The following KCNQ2 variants were observed in gnomAD, a reference collection of about 807,000 sequenced individuals.
The protein encoded by KCNQ2 is potassium voltage-gated channel subfamily KQT member 2.
KCNQ2 carries 14 observed loss-of-function variants against 84.8 expected under a neutral mutation model. That is an observed-to-expected ratio of 0.17 (90% CI 0.11 to 0.26). The LOEUF (loss-of-function observed/expected upper bound fraction) is 0.26, where lower values mean the gene tolerates loss of function less well. Ranked by LOEUF, KCNQ2 falls within the 10% of genes least tolerant of loss-of-function variation. The pLI, the probability that KCNQ2 is intolerant of heterozygous loss-of-function variation, is 1.00. For missense variants in KCNQ2, 788 were observed against 1,254.0 expected (o/e 0.63, Z 5.61); for synonymous variants, 599 against 554.1 (o/e 1.08, Z -1.14).
At chr20:63,449,947 G>A (rs2145808030) in intron 1 of KCNQ2, among the ~76,000 whole-genome samples, 1 of 152,056 alleles carries the variant, frequency 6.6e-6, no homozygotes, top group Admixed American at 6.5e-5. Context: ...ACAGCACTCA[G>A]AGCAGACCCC....
Position 63,414,844 on chromosome 20 carries a change from G to T in KCNQ2, c.1525+59C>A. On this transcript the variant is annotated intron_variant, in intron 13 of 16. Transcript: ENST00000359125. This position sits in a 1 kb window ranked among gnomAD's most constrained non-coding sequence, Gnocchi z 6.6. ...GACGCCACAGGGTGGCCACAGTAGCGTGGCCACCACATCCATCCCCGGAGA... is the reference window on the plus strand; with the variant it reads ...GACGCCACAGGGTGGCCACAGTAGCTTGGCCACCACATCCATCCCCGGAGA... The T allele has an allele frequency of 6.5e-7, 1 of 1,549,762 alleles. No homozygotes were observed. Among genetic ancestry groups the T allele is most frequent in the South Asian group, 1.1e-5 (1 of 89,840 alleles).
At chr20:63,469,445 C>A (rs188832275) in intron 1 of KCNQ2, among the ~76,000 whole-genome samples, 1 of 152,364 alleles carries the variant, frequency 6.6e-6, no homozygotes, top group East Asian at 1.9e-4. Flanking sequence ...CAGTGCTGGA[C>A]GTCCCCACCT....
At chr20:63,470,417 C>A (rs2082187872) in intron 1 of KCNQ2, among the ~76,000 whole-genome samples, 1 of 152,196 alleles carries the variant, frequency 6.6e-6, no homozygotes, top group Non-Finnish European at 1.5e-5. Flanking sequence ...ACGGCTCAGA[C>A]CCCACATGTG....
chr20:63,429,400 C>A (rs2080727919), intron 9 of KCNQ2, among the ~76,000 whole-genome samples: 1 of 152,140 alleles, frequency 6.6e-6, no homozygotes, highest in African/African-American at 2.4e-5. Flanking sequence ...CCACTGGGGC[C>A]ACGTCCTGGT....
In KCNQ2 at chr20:63,446,728, G is replaced by A. The variant is rs879184394; in HGVS notation, c.387+19C>T. ...TCCTTCCTGGGCACTTCCAGCCCCC[G>A]CCCTCCCTCGGGGCTCACCAGGATG... On this transcript the variant is annotated intron_variant, in intron 2 of 16. Coordinates refer to ENST00000359125, the MANE Select transcript of KCNQ2 (RefSeq NM_172107.4). The surrounding 1 kb of genome is among the most constrained non-coding windows in gnomAD (Gnocchi z 5.5). 5 of 1,603,678 alleles carry A rather than the reference G, an allele frequency of 3.1e-6. No homozygotes were observed. Among genetic ancestry groups the A allele is most frequent in the Middle Eastern group, 1.7e-4 (1 of 6,060 alleles).
chr20:63,431,279 G>T (rs1308628524), intron 9 of KCNQ2, 61 bp downstream of exon 9: 3 of 1,599,354 alleles, frequency 1.9e-6, no homozygotes, highest in East Asian at 2.2e-5. Flanking sequence ...CCCGGTCACA[G>T]TTCCAGACAC....
chr20:63,442,761 C>CCAT (rs2081224297), intron 4 of KCNQ2, among the ~76,000 whole-genome samples: 2 of 77,902 alleles, frequency 2.6e-5, no homozygotes, highest in East Asian at 5.2e-4. Flanking sequence ...ATCACCATCA[C>CCAT]CACCATCACC....
chr20:63,440,660 C>T (rs1239739723), intron 5 of KCNQ2, among the ~76,000 whole-genome samples: 1 of 152,200 alleles, frequency 6.6e-6, no homozygotes, highest in Non-Finnish European at 1.5e-5. Context: ...CCTGCAGCCC[C>T]ACCTTGGGGA....
intron 7 of KCNQ2, chr20:63,434,784 C>T (rs1164313372): frequency 6.6e-6 from 1 of 152,274 alleles, no homozygotes; most frequent in Non-Finnish European, 1.5e-5. Flanking sequence ...AGCGCCCGCT[C>T]CTCCTGATAG....
intron 8 of KCNQ2, among the ~76,000 whole-genome samples, 177 bp from the exon 9 acceptor site, chr20:63,431,546 G>A (rs2080787632): frequency 6.6e-6 from 1 of 152,158 alleles, no homozygotes; most frequent in South Asian, 2.1e-4. Flanking sequence ...TCACTTTGCA[G>A]AAACAAGGGC....
chr20:63,422,365 G>A (rs1328738931), intron 11 of KCNQ2: 1 of 152,706 alleles, frequency 6.5e-6, no homozygotes, highest in African/African-American at 2.4e-5. Context: ...TGGGCGGGGA[G>A]GGTCTTCAAG....
chr20:63,433,572 G>A (rs2145677168), intron 8 of KCNQ2: 4 of 759,316 alleles, frequency 5.3e-6, no homozygotes, highest in East Asian at 5.4e-5. Context: ...CACGACCCAC[G>A]GCCAGGACGA....
chr20:63,412,050 C>A (rs1345681713), intron 15 of KCNQ2: 1 of 565,184 alleles, frequency 1.8e-6, no homozygotes, highest in Non-Finnish European at 3.1e-6. Context: ...CTTGGATTTG[C>A]CAAGTCCTTC....
At chr20:63,419,476 T>G (rs1206425321) in intron 12 of KCNQ2, 143 bp downstream of exon 12, 1 of 778,778 alleles carries the variant, frequency 1.3e-6, no homozygotes, top group Non-Finnish European at 2.1e-6. Context: ...TAGAGGGAGC[T>G]GAGCCCGCAC....
At chr20:63,471,416 C>T (rs1226109698) in intron 1 of KCNQ2, among the ~76,000 whole-genome samples, 2 of 152,252 alleles carry the variant, frequency 1.3e-5, no homozygotes, top group East Asian at 1.9e-4. Flanking sequence ...GGGACAGCCC[C>T]TTCCAGGCCC....
chr20:63,444,558 A>AG, intron 4 of KCNQ2, 101 bp downstream of exon 4: 1 of 1,018,094 alleles, frequency 9.8e-7, no homozygotes, highest in Non-Finnish European at 1.4e-6. Context: ...CCCTCCACCC[A>AG]GGGCTCTTGA....
chr20:63,434,108 C>T lies in KCNQ2; in HGVS notation c.1024-205G>A. 4 of 561,944 alleles carry T rather than the reference C, an allele frequency of 7.1e-6. No homozygotes were observed. In the East Asian group the frequency reaches 1.2e-4, roughly 16 times the overall value. The allele number at this position is 561,944 out of a possible 1,614,324, so 34.8% of individuals were successfully genotyped here. ...TCTGTAGGACAGACAGGCAAGCCCG[C>T]TTGTCAGACGGTGGGGCCTGAAGGA... On this transcript the variant is annotated intron_variant, in intron 7 of 16. Coordinates refer to ENST00000359125, the MANE Select transcript of KCNQ2 (RefSeq NM_172107.4).
intron 1 of KCNQ2, among the ~76,000 whole-genome samples, chr20:63,461,264 C>T (rs913071855): frequency 1.3e-5 from 2 of 152,222 alleles, no homozygotes; most frequent in African/African-American, 4.8e-5. Flanking sequence ...ACTTTCTTCA[C>T]GTGATCTTAA....
At position 63,438,416 on chromosome 20, in the gene KCNQ2, C is replaced by G. The variant is rs372766435; in HGVS notation, c.1023+209G>C. The stretch of plus-strand genomic sequence containing the variant: ...CAAGGGCCACCCCAGCGTCCTCACA[C>G]GAGCCACCCCTGTGCAGCCTCAGGG... On this transcript the variant is annotated intron_variant, in intron 7 of 16. Transcript: ENST00000359125. The surrounding 1 kb of genome is among the most constrained non-coding windows in gnomAD (Gnocchi z 5.1). 1 of 624,386 alleles carries G rather than the reference C, an allele frequency of 1.6e-6. No individual in the cohort carries two copies. The highest frequency in any genetic ancestry group is 1.8e-5 in the South Asian group (1 of 54,568). The allele number at this position is 624,386 out of a possible 1,614,324, so 38.7% of individuals were successfully genotyped here. A position where few individuals can be genotyped will look rare whatever the true frequency, so the allele number is the denominator to read the frequency against.
Sources: allele counts gnomAD v4.1 joint callset (sites outside exome capture counted in the v4.1 genomes callset), GRCh38; gene constraint gnomAD v4.1.1; non-coding constraint Gnocchi (gnomAD v3.1); transcripts MANE v1.5; gene names NCBI Gene and HGNC (gene_info 2026-07-23, HGNC 2026-07-21).